Variants in XIRP2 observed in about 807,000 individuals in gnomAD.
The protein encoded by XIRP2 is xin actin binding repeat containing 2.
A neutral mutation model predicts 277.0 loss-of-function variants in XIRP2; 236 were observed. The ratio of observed to expected loss-of-function variants is 0.85; its 90% CI spans 0.77 to 0.95. The LOEUF (loss-of-function observed/expected upper bound fraction) is 0.95, where lower values mean the gene tolerates loss of function less well. Ranked by LOEUF, XIRP2 falls within the 40% of genes least tolerant of loss-of-function variation. The pLI is 0.00. For missense variants in XIRP2, 4,640 were observed against 4,157.5 expected, an observed-to-expected ratio of 1.12 and a Z score of -3.19; for synonymous variants, 1,490 against 1,416.5, an observed-to-expected ratio of 1.05 and a Z score of -1.17.
intron 2 of XIRP2, among the ~76,000 whole-genome samples, chr2:166,950,357 G>A (rs1400967670): frequency 4.0e-5 from 6 of 151,840 alleles, no homozygotes; most frequent in African/African-American, 4.8e-5. Context: ...CTGCCTTTCC[G>A]TTCGTGTATT....
chr2:166,935,330 G>T (rs1009014286), intron 2 of XIRP2, among the ~76,000 whole-genome samples: 1 of 152,094 alleles, frequency 6.6e-6, no homozygotes, highest in African/African-American at 2.4e-5. Context: ...GAGACTAATA[G>T]GCCAGTAGAT....
At chr2:166,949,256 CTG>C (rs1376588800) in intron 2 of XIRP2, among the ~76,000 whole-genome samples, 1 of 151,996 alleles carries the variant, frequency 6.6e-6, no homozygotes, top group East Asian at 1.9e-4. Flanking sequence ...CTGGAGCAAA[CTG>C]CTTTGGTTCA....
At chr2:167,029,320 A>G (rs1042302162) in intron 2 of XIRP2, among the ~76,000 whole-genome samples, 4 of 152,140 alleles carry the variant, frequency 2.6e-5, no homozygotes, top group African/African-American at 9.7e-5. Context: ...TTGTCCTTTC[A>G]GTATGATATT....
chr2:167,012,596 TA>T (rs1459271573), intron 2 of XIRP2, among the ~76,000 whole-genome samples: 1 of 151,644 alleles, frequency 6.6e-6, no homozygotes, highest in African/African-American at 2.4e-5. Flanking sequence ...CATTATGACA[TA>T]GTAGGCCATA....
intron 2 of XIRP2, among the ~76,000 whole-genome samples, chr2:167,018,307 C>T (rs560604615): frequency 2.0e-5 from 3 of 152,092 alleles, no homozygotes; most frequent in African/African-American, 7.2e-5. Flanking sequence ...GTGAGATAGT[C>T]CTCAGACCCT....
At chr2:167,224,215 A>G (rs146991814) in intron 5 of XIRP2, among the ~76,000 whole-genome samples, 15 of 152,096 alleles carry the variant, frequency 9.9e-5, no homozygotes, top group South Asian at 6.2e-4. Context: ...TCACCTCCCA[A>G]TACTATCACA....
At chr2:167,187,183 C>A (rs1693179893) in intron 3 of XIRP2, 2 of 929,708 alleles carry the variant, frequency 2.2e-6, no homozygotes, top group African/African-American at 1.8e-5. Context: ...TGATTGACTG[C>A]ACATGTGTTA....
chr2:167,037,520 T>A (rs6729854), intron 2 of XIRP2, among the ~76,000 whole-genome samples: 3 of 105,514 alleles, frequency 2.8e-5, no homozygotes, highest in Non-Finnish European at 5.7e-5. Context: ...ATGTGGGGGG[T>A]GTGTGTGTGT....
chr2:167,212,111 T>G (rs902867080), intron 4 of XIRP2, among the ~76,000 whole-genome samples: 3 of 152,192 alleles, frequency 2.0e-5, no homozygotes, highest in African/African-American at 7.2e-5. Context: ...CATTTAGGTT[T>G]TCACATAGTC....
intron 2 of XIRP2, among the ~76,000 whole-genome samples, chr2:166,996,016 G>T (rs1197904723): frequency 6.6e-6 from 1 of 152,124 alleles, no homozygotes; most frequent in Non-Finnish European, 1.5e-5. Flanking sequence ...CCATTTATAT[G>T]AGTCTTGAAT....
At chr2:166,924,130 C>CT (rs1353581191) in intron 2 of XIRP2, among the ~76,000 whole-genome samples, 4 of 152,010 alleles carry the variant, frequency 2.6e-5, no homozygotes, top group Admixed American at 6.6e-5. Context: ...TTTCAGAAAT[C>CT]TTTTTTTGTG....
intron 2 of XIRP2, among the ~76,000 whole-genome samples, chr2:166,936,342 T>A (rs1685500840): frequency 1.3e-5 from 2 of 152,280 alleles, no homozygotes; most frequent in Admixed American, 6.5e-5. Context: ...ATTGCAAAAA[T>A]TTTCTCCCAT....
Position 167,245,435 on chromosome 2 carries a change from G to A in XIRP2, c.4043G>A (p.Arg1348Gln), listed in dbSNP as rs144610829. ...GAAGAGGTAATTCATGGAGATGTGCGAGGAACAAGGTGGCTTTTTGAAACA... is the reference window on the plus strand; with the variant it reads ...GAAGAGGTAATTCATGGAGATGTGCAAGGAACAAGGTGGCTTTTTGAAACA... ...KKEEVIHGDVRGTRWLFETKP... is the reference protein window; with the variant it reads ...KKEEVIHGDVQGTRWLFETKP... Residue 1348 changes from arginine to glutamine, a missense_variant, in exon 9 of 11, where the codon CGA becomes CAA. Arg to Gln is a conservative substitution (Grantham distance 43, BLOSUM62 1). Transcript: ENST00000409195. The A allele has an allele frequency of 1.4e-3, 2,267 of 1,613,592 alleles. 4 individuals are homozygous for A. Among genetic ancestry groups the A allele is most frequent in the Non-Finnish European group, 1.3e-3 (1,570 of 1,179,704 alleles).
intron 2 of XIRP2, among the ~76,000 whole-genome samples, chr2:166,966,736 T>C (rs563967122): frequency 2.8e-4 from 43 of 152,140 alleles, no homozygotes; most frequent in African/African-American, 8.9e-4. Context: ...ACATGGATAA[T>C]AGAAGAAAGC....
chr2:167,028,967 CAGA>C (rs1688250640), intron 2 of XIRP2, among the ~76,000 whole-genome samples: 1 of 151,360 alleles, frequency 6.6e-6, no homozygotes, highest in Admixed American at 6.6e-5. Flanking sequence ...ATTGATCAAG[CAGA>C]AGAATTAGTG....
rs73969928 is a variant in XIRP2 at position 166,903,521 on chromosome 2, G to A, written c.39G>A (p.Arg13=). The A allele has an allele frequency of 1.9e-3, 3,122 of 1,613,430 alleles. 68 individuals are homozygous for A. In the African/African-American group the frequency reaches 0.036, roughly 19 times the overall value. The change falls in exon 2 of 11, where the codon AGG becomes AGA. Residue 13 remains arginine, a synonymous_variant. Transcript: ENST00000409195. ...AGAAGGGCTCCCTCAACCTCCTGAG[G>A]CAGAAATGGGAATCTTGTGATTATC... ...PMQKGSLNLL[R]QKWESCDYQR...
chr2:166,956,254 AT>A (rs1002994795), intron 2 of XIRP2, among the ~76,000 whole-genome samples: 1 of 151,892 alleles, frequency 6.6e-6, no homozygotes, highest in Admixed American at 6.6e-5. Context: ...TATGATGAGC[AT>A]TTTTTTGTGT....
At chr2:167,165,999 AT>A (rs1164985181) in intron 3 of XIRP2, among the ~76,000 whole-genome samples, 2 of 152,242 alleles carry the variant, frequency 1.3e-5, no homozygotes, top group East Asian at 1.9e-4. Context: ...ATCCATTAGA[AT>A]TTTTTTATAA....
At chr2:167,113,088 G>A (rs571395969) in intron 2 of XIRP2, among the ~76,000 whole-genome samples, 1 of 152,200 alleles carries the variant, frequency 6.6e-6, no homozygotes, top group South Asian at 2.1e-4. Context: ...ATGTGGTGAT[G>A]AGAAGAATGT....
Sources: allele counts gnomAD v4.1 joint callset (sites outside exome capture counted in the v4.1 genomes callset), GRCh38; gene constraint gnomAD v4.1.1; transcripts MANE v1.5; gene names NCBI Gene and HGNC (gene_info 2026-07-23, HGNC 2026-07-21).